The following GREB1 variants were observed in gnomAD, a reference collection of about 807,000 sequenced individuals.
GREB1 encodes the protein protein GREB1.
A neutral mutation model predicts 200.7 loss-of-function variants in GREB1; 106 were observed. That is an observed-to-expected ratio of 0.53 (90% CI 0.45 to 0.62). The LOEUF is 0.62. GREB1 is among the 20% of genes least tolerant of loss of function. The probability of loss-of-function intolerance (pLI) is 0.00; values close to 1 mark genes in which losing one functional copy is unlikely to be tolerated. For synonymous variants in GREB1, 1,132 were observed against 1,092.4 expected (o/e 1.04, Z -0.72); for missense variants, 2,243 against 2,556.8 (o/e 0.88, Z 2.65).
chr2:11,552,131 T>G (rs986150637), intron 1 of GREB1, among the ~76,000 whole-genome samples: 3 of 152,356 alleles, frequency 2.0e-5, no homozygotes, highest in East Asian at 3.9e-4. Flanking sequence ...TACAGACTAG[T>G]ACAGCCAGGC....
intron 1 of GREB1, among the ~76,000 whole-genome samples, chr2:11,550,913 G>A (rs1212872632): frequency 2.6e-5 from 4 of 152,124 alleles, no homozygotes; most frequent in Admixed American, 2.0e-4. Flanking sequence ...CTTTGTCCCC[G>A]CCTTTAATAG....
At position 11,484,704 on chromosome 2, in the gene GREB1, G is replaced by A. The variant is rs935666106; in HGVS notation, c.-159+2323G>A. ...AGCCTAAGCTGGGAGGGTCTCTTGA[G>A]CCCACGAGTTCGAGGCTGCAGTGAG... On this transcript the variant is annotated intron_variant, in intron 1 of 2. Transcript: ENST00000628795. Among the ~76,000 whole-genome samples, 10 of 152,298 alleles carry A rather than the reference G, an allele frequency of 6.6e-5. No individual in the cohort carries two copies. The East Asian group carries it at 1.9e-3, about 29-fold the overall frequency.
At chr2:11,531,521 G>A (rs1021181888), upstream of GREB1, among the ~76,000 whole-genome samples, 2 of 152,004 alleles carry the variant, frequency 1.3e-5, no homozygotes, top group African/African-American at 4.8e-5. Context: ...AAAAAAAATT[G>A]CGTATAATTC....
chr2:11,582,961 C>T (rs926950856), intron 7 of GREB1, among the ~76,000 whole-genome samples: 15 of 152,178 alleles, frequency 9.9e-5, no homozygotes, highest in Admixed American at 8.5e-4. Flanking sequence ...CAGGGTCTTA[C>T]TGGCATTTGG....
chr2:11,510,026 A>T (rs892736963), intron 1 of GREB1, among the ~76,000 whole-genome samples: 1 of 152,164 alleles, frequency 6.6e-6, no homozygotes, highest in Admixed American at 6.5e-5. Context: ...TTTTATTGAT[A>T]TGTCTGTTGG....
At chr2:11,484,763 G>A (rs191308456) in intron 1 of GREB1, among the ~76,000 whole-genome samples, 12 of 152,324 alleles carry the variant, frequency 7.9e-5, no homozygotes, top group Admixed American at 7.2e-4. Context: ...ACTGCACGTA[G>A]CAGGGGGTGA....
At chr2:11,510,467 A>G (rs140784410) in intron 1 of GREB1, among the ~76,000 whole-genome samples, 1 of 152,274 alleles carries the variant, frequency 6.6e-6, no homozygotes, top group African/African-American at 2.4e-5. Context: ...CTAATTTATA[A>G]TTCCTTCTTC....
Position 11,500,742 on chromosome 2 carries a change from G to A in GREB1, c.-159+18361G>A, listed in dbSNP as rs146517647. Among the ~76,000 whole-genome samples, 963 of 152,290 alleles carry A rather than the reference G, an allele frequency of 6.3e-3. 10 individuals carry two copies. The highest frequency in any genetic ancestry group is 0.021 in the African/African-American group (885 of 41,562). The stretch of plus-strand genomic sequence containing the variant: ...AGATGGTTTCAGCAGTTGGGAAAGC[G>A]GAACCACAGAGCTTTACTCAGTTTT... On this transcript the variant is annotated intron_variant, in intron 1 of 2. Transcript: ENST00000628795.
At chr2:11,508,910 T>A (rs1239814083) in intron 1 of GREB1, among the ~76,000 whole-genome samples, 1 of 149,230 alleles carries the variant, frequency 6.7e-6, no homozygotes, top group Non-Finnish European at 1.5e-5. Context: ...AGTCTCGCTC[T>A]GTCGCCCAGG....
chr2:11,502,295 A>C (rs1344154614), intron 1 of GREB1, among the ~76,000 whole-genome samples: 2 of 144,480 alleles, frequency 1.4e-5, no homozygotes, highest in Non-Finnish European at 3.0e-5. Context: ...GTAACAGCTC[A>C]CTGCAGCCTC....
In GREB1 at chr2:11,564,162, T is replaced by C. The variant is rs547668409; in HGVS notation, c.277+1580T>C. On this transcript the variant is annotated intron_variant, in intron 3 of 32. Coordinates refer to ENST00000381486, the MANE Select transcript of GREB1 (RefSeq NM_014668.4). Reference sequence around the variant, plus strand: ...AGATTATTTACGTAGGGGCCTGAGGTGTGGCAGAGCCAGGCTTGGAGGAGT... The same window carrying C: ...AGATTATTTACGTAGGGGCCTGAGGCGTGGCAGAGCCAGGCTTGGAGGAGT... Among the ~76,000 whole-genome samples the C allele has an allele frequency of 4.6e-5, 7 of 152,222 alleles. 1 individual carries two copies. The East Asian group carries it at 1.2e-3, about 25-fold the overall frequency.
In GREB1 at chr2:11,634,276, T is replaced by C; in HGVS notation, c.5137T>C (p.Ser1713Pro). ...TRASEVQEPF[S>P]RCHVHNFIIL... The stretch of plus-strand genomic sequence containing the variant: ...GGCCAGCGAGGTGCAAGAGCCCTTC[T>C]CCCGCTGCCACGTGCACAACTTCAT... The change falls in exon 29 of 33, where the codon TCC (serine) becomes CCC (proline). Residue 1713 changes from serine to proline, a missense_variant. By Grantham distance (74) the Ser-to-Pro change is moderately conservative. Coordinates refer to ENST00000381486, the MANE Select transcript of GREB1 (RefSeq NM_014668.4). The C allele has an allele frequency of 6.2e-7, 1 of 1,614,194 alleles. No homozygotes were observed. Among genetic ancestry groups the C allele is most frequent in the Non-Finnish European group, 8.5e-7 (1 of 1,180,032 alleles).
chr2:11,587,446 C>A (rs1032515680), intron 9 of GREB1: 2 of 1,613,704 alleles, frequency 1.2e-6, no homozygotes, highest in African/African-American at 2.7e-5. Flanking sequence ...CGCCCCGGAG[C>A]TTATGAGAGG....
At position 11,618,514 on chromosome 2, in the gene GREB1, G is replaced by A; in HGVS notation, c.3639G>A (p.Val1213=). ...GGACCGGCCAGAGGAGCGTCCAGGT[G>A]TCGGTCACCTCGTCGTGCTCCCAGC... ...SLRTGQRSVQ[V]SVTSSCSQLS... Residue 1213 remains valine, a synonymous_variant, in exon 22 of 33, where the codon GTG becomes GTA. Transcript: ENST00000381486. 3.1e-6 allele frequency: 5 copies of A among 1,611,902 alleles called. No homozygotes were observed. The highest frequency in any genetic ancestry group is 4.2e-6 in the Non-Finnish European group (5 of 1,179,620).
intron 17 of GREB1, among the ~76,000 whole-genome samples, chr2:11,607,531 CATAT>C (rs201340748): frequency 9.2e-5 from 13 of 140,568 alleles, no homozygotes; most frequent in Non-Finnish European, 1.7e-4. Flanking sequence ...TATATATACA[CATAT>C]ATATACATAT....
At chr2:11,630,732 C>T (rs1684810570) in intron 26 of GREB1, among the ~76,000 whole-genome samples, 2 of 152,186 alleles carry the variant, frequency 1.3e-5, no homozygotes, top group Admixed American at 6.5e-5. Context: ...CTCTAAAAGA[C>T]ACATTTCCTT....
rs1681871143 is a variant in GREB1, at chr2:11,602,482, G to A, written c.2606G>A (p.Ser869Asn). 1 of 1,613,256 alleles carries A rather than the reference G, an allele frequency of 6.2e-7. No individual in the cohort carries two copies. Among genetic ancestry groups the A allele is most frequent in the Non-Finnish European group, 8.5e-7 (1 of 1,179,158 alleles). Residue 869 changes from serine to asparagine, a missense_variant, in exon 17 of 33, where the codon AGC becomes AAC. Transcript: ENST00000381486. The part of the protein sequence containing the change: ...EFIESTLSGH[S>N]LPLLRYDSSF... ...ATTGAATCCACCCTTTCAGGACACA[G>A]CCTCCCCTTGCTCAGATACGATAGC...
intron 7 of GREB1, chr2:11,581,096 A>G (rs1335362529): frequency 1.1e-5 from 7 of 627,250 alleles, no homozygotes; most frequent in Non-Finnish European, 1.7e-5. Context: ...GACCTGTCCT[A>G]TGGGCTGCAC....
At chr2:11,500,849 C>G (rs959519296) in intron 1 of GREB1, among the ~76,000 whole-genome samples, 1 of 152,096 alleles carries the variant, frequency 6.6e-6, no homozygotes. Context: ...TCTGTGAGAG[C>G]AAGTCAGAGT....
Sources: gnomAD v4.1 joint callset for allele counts (sites outside exome capture counted in the v4.1 genomes callset) on GRCh38, gnomAD v4.1.1 for gene constraint, MANE v1.5 for transcripts, NCBI Gene and HGNC (gene_info 2026-07-23, HGNC 2026-07-21) for gene names.